The following NKAIN1 variants were observed in gnomAD, a reference collection of about 807,000 sequenced individuals.
The protein encoded by NKAIN1 is sodium/potassium transporting ATPase interacting 1, also known as sodium/potassium-transporting ATPase subunit beta-1-interacting protein 1.
Under a neutral mutation model 31.6 loss-of-function variants are expected in NKAIN1, and 13 were observed. The ratio of observed to expected loss-of-function variants is 0.41; its 90% CI spans 0.27 to 0.65. The LOEUF is 0.65. NKAIN1 is among the 30% of genes least tolerant of loss of function. The pLI is 0.30. For missense variants in NKAIN1, 193 were observed against 262.2 expected (o/e 0.74, Z 1.82); for synonymous variants, 104 against 109.0 (o/e 0.95, Z 0.28).
At chr1:31,201,433 A>T (rs554302598) in intron 1 of NKAIN1, among the ~76,000 whole-genome samples, 6 of 147,106 alleles carry the variant, frequency 4.1e-5, no homozygotes, top group African/African-American at 1.5e-4. Flanking sequence ...ATCTCAGCTC[A>T]CTGCAAGCTC....
At chr1:31,217,057 G>A (rs1390468723) in intron 1 of NKAIN1, among the ~76,000 whole-genome samples, 1 of 152,200 alleles carries the variant, frequency 6.6e-6, no homozygotes, top group Non-Finnish European at 1.5e-5. Context: ...GTAGAGACAG[G>A]GTTTTACCAT....
At chr1:31,182,076 A>C in intron 5 of NKAIN1, 135 bp from the exon 6 acceptor site, 1 of 862,848 alleles carries the variant, frequency 1.2e-6, no homozygotes. Context: ...TGAGGAGGGG[A>C]GGGGCGAGGG....
intron 1 of NKAIN1, among the ~76,000 whole-genome samples, chr1:31,222,813 A>G (rs957725098): frequency 2.0e-5 from 3 of 152,126 alleles, no homozygotes; most frequent in African/African-American, 2.4e-5. Flanking sequence ...CTGAACAAAT[A>G]CTGTGTGATG....
At chr1:31,209,158 C>T (rs1289787837) in intron 1 of NKAIN1, among the ~76,000 whole-genome samples, 2 of 152,124 alleles carry the variant, frequency 1.3e-5, no homozygotes, top group East Asian at 1.9e-4. Flanking sequence ...GTGGATCACC[C>T]GAGGTCAGGA....
chr1:31,230,893 T>A (rs1645642587), intron 1 of NKAIN1, among the ~76,000 whole-genome samples: 1 of 149,262 alleles, frequency 6.7e-6, no homozygotes, highest in Non-Finnish European at 1.5e-5. Context: ...TTTTTTTTTT[T>A]TTTTTTGAGA....
At chr1:31,216,062 C>G (rs1051363493) in intron 1 of NKAIN1, among the ~76,000 whole-genome samples, 4 of 151,800 alleles carry the variant, frequency 2.6e-5, no homozygotes, top group Admixed American at 2.6e-4. Flanking sequence ...TAAGCAGATA[C>G]CTGCAGGCCC....
At chr1:31,225,528 C>G (rs1011530696) in intron 1 of NKAIN1, among the ~76,000 whole-genome samples, 11 of 151,830 alleles carry the variant, frequency 7.2e-5, no homozygotes, top group Non-Finnish European at 1.5e-4. Context: ...AGGGTTTGCA[C>G]TCTTGGCCAG....
chr1:31,194,755 C>A (rs1439759569), intron 1 of NKAIN1, among the ~76,000 whole-genome samples: 31 of 136,182 alleles, frequency 2.3e-4, no homozygotes, highest in African/African-American at 8.0e-4. Flanking sequence ...CCTTCCTTTT[C>A]TCTCTCTCTC....
chr1:31,232,418 TATATATAGAG>T (rs1454176656), intron 1 of NKAIN1, among the ~76,000 whole-genome samples: 4 of 33,070 alleles, frequency 1.2e-4, no homozygotes, highest in Admixed American at 5.1e-4. Context: ...TATATATATA[TATATATAGAG>T]AGAGAGAGAG....
At chr1:31,197,073 T>G (rs1469322661) in intron 1 of NKAIN1, among the ~76,000 whole-genome samples, 1 of 151,886 alleles carries the variant, frequency 6.6e-6, no homozygotes, top group Admixed American at 6.6e-5. Flanking sequence ...CTTCCTTTAT[T>G]TTTTCCACAG....
chr1:31,192,982 A>C (rs1645297548), intron 1 of NKAIN1, among the ~76,000 whole-genome samples: 2 of 152,160 alleles, frequency 1.3e-5, no homozygotes, highest in South Asian at 4.1e-4. Flanking sequence ...CCTTGGCAAC[A>C]TAGTGAGATC....
chr1:31,186,993 G>C (rs1362378581), intron 2 of NKAIN1, among the ~76,000 whole-genome samples: 1 of 152,222 alleles, frequency 6.6e-6, no homozygotes, highest in East Asian at 1.9e-4. Context: ...TCCTGTGCCT[G>C]CAATTCTAGT....
intron 1 of NKAIN1, among the ~76,000 whole-genome samples, chr1:31,189,397 A>C (rs1045195946): frequency 2.6e-5 from 4 of 152,194 alleles, no homozygotes; most frequent in Admixed American, 1.3e-4. Flanking sequence ...GCTCACTGCA[A>C]CATCCACCTG....
In NKAIN1 at chr1:31,183,436, C is replaced by CTTTTTTTTT. The variant is rs3046278; in HGVS notation, c.471+372_471+380dup. ...GGCGGAAGACCTAGGTTCATTCCCTCTTTTTTTTTTTTTTTTTTTTTTTTT... is the reference window on the plus strand; with the variant it reads ...GGCGGAAGACCTAGGTTCATTCCCTCTTTTTTTTTTTTTTTTTTTTTTTTTTTTTTTTTT... On this transcript the variant is annotated intron_variant, in intron 4 of 6. Coordinates refer to ENST00000373736, the MANE Select transcript of NKAIN1 (RefSeq NM_024522.3). Among the ~76,000 whole-genome samples the CTTTTTTTTT allele has an allele frequency of 7.6e-4, 81 of 106,684 alleles. 5 individuals are homozygous for CTTTTTTTTT. The highest frequency in any genetic ancestry group is 3.4e-3 in the African/African-American group (61 of 17,898). The allele number at this position is 106,684 out of a possible 152,430, so 70.0% of individuals were successfully genotyped here.
intron 1 of NKAIN1, among the ~76,000 whole-genome samples, chr1:31,228,200 T>C (rs559206207): frequency 6.6e-6 from 1 of 152,146 alleles, no homozygotes; most frequent in Non-Finnish European, 1.5e-5. Context: ...AATTGTGTAA[T>C]TGAAAACCCA....
At chr1:31,238,183 G>GC (rs1645705848) in intron 1 of NKAIN1, among the ~76,000 whole-genome samples, 1 of 152,210 alleles carries the variant, frequency 6.6e-6, no homozygotes, top group Non-Finnish European at 1.5e-5. Flanking sequence ...CCACTGCCCA[G>GC]GCCAGGTCTG....
chr1:31,230,485 A>G (rs1645639471), intron 1 of NKAIN1, among the ~76,000 whole-genome samples: 1 of 152,188 alleles, frequency 6.6e-6, no homozygotes, highest in Admixed American at 6.5e-5. Flanking sequence ...AATGTAAATC[A>G]GGAAAACCTG....
At chr1:31,192,373 C>T (rs1035900817) in intron 1 of NKAIN1, among the ~76,000 whole-genome samples, 6 of 152,170 alleles carry the variant, frequency 3.9e-5, no homozygotes, top group Non-Finnish European at 8.8e-5. Flanking sequence ...TAGTCTATGT[C>T]AGGCTTTGTG....
At chr1:31,182,627 A>T (rs1377489198) in intron 4 of NKAIN1, 37 bp from the exon 5 acceptor site, 3 of 1,611,666 alleles carry the variant, frequency 1.9e-6, no homozygotes, top group Non-Finnish European at 2.5e-6. Flanking sequence ...AGGAAGGAGG[A>T]GTGGGAACCT....
Sources: gnomAD v4.1 joint callset for allele counts (sites outside exome capture counted in the v4.1 genomes callset) on GRCh38, gnomAD v4.1.1 for gene constraint, MANE v1.5 for transcripts, NCBI Gene and HGNC (gene_info 2026-07-23, HGNC 2026-07-21) for gene names.